Variants in ULK4 observed in about 807,000 individuals in gnomAD.
ULK4 encodes the protein unc-51 like kinase 4.
A neutral mutation model predicts 160.6 loss-of-function variants in ULK4; 133 were observed. The ratio of observed to expected loss-of-function variants is 0.83; its 90% confidence interval spans 0.72 to 0.96. The LOEUF (loss-of-function observed/expected upper bound fraction) is 0.96, where lower values mean the gene tolerates loss of function less well. Ranked by LOEUF, ULK4 falls within the 40% of genes least tolerant of loss-of-function variation. ULK4 has a pLI of 0.00. For missense variants in ULK4, 1,580 were observed against 1,499.5 expected (o/e 1.05, Z -0.89); for synonymous variants, 534 against 539.8 (o/e 0.99, Z 0.15).
chr3:41,453,255 C>T (rs747894167), intron 34 of ULK4, among the ~76,000 whole-genome samples: 3 of 152,044 alleles, frequency 2.0e-5, no homozygotes, highest in East Asian at 1.9e-4. Context: ...TGCTGGCTGC[C>T]GCCTCACACT....
intron 2 of ULK4, among the ~76,000 whole-genome samples, chr3:41,946,173 C>T (rs1700106601): frequency 6.6e-6 from 1 of 152,012 alleles, no homozygotes; most frequent in South Asian, 2.1e-4. Context: ...TATTTTACTT[C>T]AATAAAAAGA....
At chr3:41,263,596 T>TAA (rs35119938) in intron 35 of ULK4, among the ~76,000 whole-genome samples, 104 of 151,688 alleles carry the variant, frequency 6.9e-4, no homozygotes, top group Non-Finnish European at 1.5e-4. Context: ...TAATATAAAG[T>TAA]AAAAAAACAC....
At chr3:41,624,115 G>A (rs567277943) in intron 30 of ULK4, among the ~76,000 whole-genome samples, 4 of 152,286 alleles carry the variant, frequency 2.6e-5, no homozygotes, top group African/African-American at 9.6e-5. Flanking sequence ...CAGACGTGAG[G>A]CTGAGGCTCC....
chr3:41,611,641 G>A (rs2032682513), intron 31 of ULK4, among the ~76,000 whole-genome samples: 2 of 151,752 alleles, frequency 1.3e-5, no homozygotes, highest in African/African-American at 4.9e-5. Context: ...GGACACTCAA[G>A]TTTCCAGTAC....
chr3:41,852,550 G>T (rs140660023), intron 17 of ULK4, among the ~76,000 whole-genome samples: 13 of 151,996 alleles, frequency 8.6e-5, no homozygotes, highest in African/African-American at 2.9e-4. Context: ...ACTTAAATTT[G>T]CAAGACGTTA....
At chr3:41,697,406 TA>T (rs143854536) in intron 27 of ULK4, among the ~76,000 whole-genome samples, 2 of 151,526 alleles carry the variant, frequency 1.3e-5, no homozygotes, top group African/African-American at 2.4e-5. Flanking sequence ...TTAGAAAGGA[TA>T]AAAAAAATTA....
At chr3:41,293,376 G>T (rs560673949) in intron 35 of ULK4, among the ~76,000 whole-genome samples, 1 of 152,310 alleles carries the variant, frequency 6.6e-6, no homozygotes, top group African/African-American at 2.4e-5. Flanking sequence ...GGCAAAGAGA[G>T]AAGAATGTTA....
intron 2 of ULK4, among the ~76,000 whole-genome samples, chr3:41,946,651 T>A (rs1250109375): frequency 6.6e-6 from 1 of 152,184 alleles, no homozygotes; most frequent in Non-Finnish European, 1.5e-5. Flanking sequence ...AGTGAAATTT[T>A]CCCTGGGGTT....
chr3:41,593,314 C>A (rs536630786), intron 31 of ULK4, among the ~76,000 whole-genome samples: 2 of 152,106 alleles, frequency 1.3e-5, no homozygotes, highest in South Asian at 2.1e-4. Flanking sequence ...GATCATGATG[C>A]GCATCTCTTT....
intron 32 of ULK4, among the ~76,000 whole-genome samples, chr3:41,489,816 A>T (rs1479195337): frequency 6.6e-6 from 1 of 152,162 alleles, no homozygotes; most frequent in African/African-American, 2.4e-5. Context: ...AAGTCTAGTT[A>T]CTAGATTTTA....
chr3:41,799,131 GA>G (rs1200844825), intron 20 of ULK4, among the ~76,000 whole-genome samples: 4 of 152,136 alleles, frequency 2.6e-5, no homozygotes, highest in Non-Finnish European at 4.4e-5. Context: ...CACAAAGTAA[GA>G]AACTGCCACA....
At chr3:41,530,851 C>T (rs2086284132) in intron 32 of ULK4, among the ~76,000 whole-genome samples, 1 of 152,010 alleles carries the variant, frequency 6.6e-6, no homozygotes, top group South Asian at 2.1e-4. Context: ...GCAACCTCCA[C>T]CTCCTGGGTT....
chr3:41,730,052 A>G (rs995847261), intron 22 of ULK4, among the ~76,000 whole-genome samples: 8 of 152,244 alleles, frequency 5.3e-5, no homozygotes, highest in African/African-American at 1.9e-4. Flanking sequence ...TGAACAACAG[A>G]AGGGTCAAGG....
chr3:41,545,870 C>T lies in ULK4; in HGVS notation c.3226+20155G>A, dbSNP rs530181828. ...CTATTAATCTTCTATGGTTTTTAAT[C>T]TGCTGAAAAGCCCAGCCAGGTAATT... On this transcript the variant is annotated intron_variant, in intron 32 of 36. Transcript: ENST00000301831. Among the ~76,000 whole-genome samples the T allele has an allele frequency of 3.6e-4, 55 of 152,206 alleles. 1 individual carries two copies. In the South Asian group the frequency reaches 0.011, roughly 31 times the overall value.
intron 21 of ULK4, among the ~76,000 whole-genome samples, chr3:41,772,214 T>C (rs959776908): frequency 2.6e-5 from 4 of 151,870 alleles, no homozygotes; most frequent in African/African-American, 9.7e-5. Flanking sequence ...GAAATAACTA[T>C]GATCAGAGCA....
chr3:41,943,630 A>G (rs912518210), intron 2 of ULK4, among the ~76,000 whole-genome samples: 1 of 152,088 alleles, frequency 6.6e-6, no homozygotes, highest in Non-Finnish European at 1.5e-5. Context: ...CCTACCTCCT[A>G]ACTGATGACT....
chr3:41,452,286 C>T (rs547706625), intron 34 of ULK4, among the ~76,000 whole-genome samples: 12 of 152,334 alleles, frequency 7.9e-5, no homozygotes, highest in African/African-American at 2.9e-4. Context: ...TCTACTGCTC[C>T]ATCCAGGGAT....
chr3:41,907,839 G>T lies in ULK4; in HGVS notation c.1182+6C>A. On this transcript the variant is annotated splice_donor_region_variant and intron_variant, in intron 12 of 36. Coordinates refer to ENST00000301831, the MANE Select transcript of ULK4 (RefSeq NM_017886.4). ...TGTAGGAAGAAAATTTCCCAAGTCT[G>T]CTCACCTTGGTCAGAGGAGAAGTCT... 6.5e-7 allele frequency: 1 copy of T among 1,548,702 alleles called. No individual in the cohort carries two copies. The highest frequency in any genetic ancestry group is 8.7e-7 in the Non-Finnish European group (1 of 1,149,826).
intron 35 of ULK4, among the ~76,000 whole-genome samples, chr3:41,276,043 T>C (rs955446282): frequency 1.3e-5 from 2 of 152,252 alleles, no homozygotes; most frequent in Non-Finnish European, 2.9e-5. Flanking sequence ...ACAGGACTAC[T>C]GCTGATACCC....
Sources: gnomAD v4.1 joint callset for allele counts (sites outside exome capture counted in the v4.1 genomes callset) on GRCh38, gnomAD v4.1.1 for gene constraint, MANE v1.5 for transcripts, NCBI Gene and HGNC (gene_info 2026-07-23, HGNC 2026-07-21) for gene names.